The following HEPACAM variants were observed in gnomAD, a reference collection of about 807,000 sequenced individuals.
HEPACAM encodes the protein hepatic and glial cell adhesion molecule.
In HEPACAM, 18 loss-of-function variants were observed where a neutral mutation model predicts 38.3. The ratio of observed to expected loss-of-function variants is 0.47; its 90% CI spans 0.33 to 0.70. The LOEUF is 0.70. HEPACAM is among the 30% of genes least tolerant of loss of function. HEPACAM has a pLI of 0.03. For missense variants in HEPACAM, 466 were observed against 563.0 expected (o/e 0.83, Z 1.74); for synonymous variants, 216 against 243.1 (o/e 0.89, Z 1.04).
chr11:124,920,349 A>C lies in HEPACAM; in HGVS notation c.*789T>G. ...TGAAATTCACTTCTCTATAAGAATA[A>C]GCCCATCCATCTCTTTTATTCATGA... On this transcript the variant is annotated 3_prime_UTR_variant, in exon 7 of 7. Coordinates refer to ENST00000298251, the MANE Select transcript of HEPACAM (RefSeq NM_152722.5). 6.6e-7 allele frequency: 1 copy of C among 1,510,698 alleles called. No individual in the cohort carries two copies. Among genetic ancestry groups the C allele is most frequent in the Non-Finnish European group, 9.0e-7 (1 of 1,115,338 alleles). 93.6% of individuals were successfully genotyped at this position (1,510,698 alleles called of 1,614,324 possible).
rs118010297 is a variant in HEPACAM at position 124,933,038 on chromosome 11, A to G, written c.85+2884T>C. 5.1e-4 allele frequency among the ~76,000 whole-genome samples: 78 copies of G among 152,266 alleles called. No homozygotes were observed. The East Asian group carries it at 0.013, about 24-fold the overall frequency. On this transcript the variant is annotated intron_variant, in intron 1 of 6. Coordinates refer to ENST00000298251, the MANE Select transcript of HEPACAM (RefSeq NM_152722.5). Reference sequence around the variant, plus strand: ...AAGCAAACATTTTCCTAAATAATATATTAGGGATGGCAGGGATTCCTTCTA... The same window carrying G: ...AAGCAAACATTTTCCTAAATAATATGTTAGGGATGGCAGGGATTCCTTCTA...
chr11:124,933,805 A>G (rs1239146892), intron 1 of HEPACAM, among the ~76,000 whole-genome samples: 1 of 152,112 alleles, frequency 6.6e-6, no homozygotes, highest in African/African-American at 2.4e-5. Context: ...CTTCAATGGT[A>G]TTGATCTACT....
chr11:124,930,911 T>C (rs773508927), intron 1 of HEPACAM, among the ~76,000 whole-genome samples: 6 of 152,186 alleles, frequency 3.9e-5, no homozygotes, highest in African/African-American at 9.6e-5. Flanking sequence ...AAACAGACTA[T>C]GTCCTTGACT....
rs770057167 is a variant in HEPACAM at position 124,936,020 on chromosome 11, C to T, written c.-14G>A. 4 of 1,611,726 alleles carry T rather than the reference C, an allele frequency of 2.5e-6. No individual in the cohort carries two copies. The highest frequency in any genetic ancestry group is 2.7e-5 in the African/African-American group (2 of 74,838). On this transcript the variant is annotated 5_prime_UTR_variant, in exon 1 of 7. Transcript: ENST00000298251. ...TTCTCTCTTCATTTTGGGTGGCGTT[C>T]TCCAGCTCTAGTGCAGACAATTAGC... is the stretch of plus-strand genomic sequence containing the variant.
At position 124,924,026 on chromosome 11, in the gene HEPACAM, G is replaced by C. The variant is rs1591548980; in HGVS notation, c.428-16C>G. Reference sequence around the variant, plus strand: ...GAAATGGGCACTGAGCCGCAGGAATGGGGGAGCCTGTAAGTCATTGGCTAA... The same window carrying C: ...GAAATGGGCACTGAGCCGCAGGAATCGGGGAGCCTGTAAGTCATTGGCTAA... On this transcript the variant is annotated splice_polypyrimidine_tract_variant and intron_variant, in intron 2 of 6. Coordinates refer to ENST00000298251, the MANE Select transcript of HEPACAM (RefSeq NM_152722.5). The surrounding 1 kb of genome is among the most constrained non-coding windows in gnomAD (Gnocchi z 4.4). The C allele has an allele frequency of 1.9e-6, 3 of 1,599,898 alleles. No individual in the cohort carries two copies. Among genetic ancestry groups the C allele is most frequent in the Non-Finnish European group, 2.6e-6 (3 of 1,176,374 alleles).
rs780208452 is a variant in HEPACAM at position 124,921,327 on chromosome 11, G to A, written c.1062C>T (p.Pro354=). The part of the protein sequence containing the change: ...PAVPGRSPGL[P]IRSARRYPRS... The stretch of plus-strand genomic sequence containing the variant: ...GCGGGTAGCGGCGGGCAGAGCGGAT[G>A]GGCAGCCCCGGCGAGCGGCCGGGCA... The change falls in exon 7 of 7, where the codon CCC becomes CCT. Residue 354 remains proline (P), a synonymous_variant. Transcript: ENST00000298251. This position sits in a 1 kb window ranked among gnomAD's most constrained non-coding sequence, Gnocchi z 4.6. 133 of 1,275,162 alleles carry A rather than the reference G, an allele frequency of 1.0e-4. No individual in the cohort carries two copies. Among genetic ancestry groups the A allele is most frequent in the Admixed American group, 4.2e-4 (10 of 23,932 alleles). The allele number at this position is 1,275,162 out of a possible 1,614,324, so 79.0% of individuals were successfully genotyped here. A position where few individuals can be genotyped will look rare whatever the true frequency, so the allele number is the denominator to read the frequency against.
At chr11:124,923,506 C>G (rs1293963686) in intron 3 of HEPACAM, 73 bp from the exon 4 acceptor site, 2 of 1,230,108 alleles carry the variant, frequency 1.6e-6, no homozygotes, top group African/African-American at 3.0e-5. Flanking sequence ...AACTTCCTGC[C>G]ATGGATGGAA....
chr11:124,926,837 A>T (rs1177709812), intron 1 of HEPACAM, among the ~76,000 whole-genome samples: 2 of 152,148 alleles, frequency 1.3e-5, no homozygotes, highest in East Asian at 3.9e-4. Flanking sequence ...GAGGCAATTA[A>T]ACGAAAAGGT....
In HEPACAM at chr11:124,919,554, A is replaced by C. The variant is rs1379751623; in HGVS notation, c.*1584T>G. 1 of 606,202 alleles carries C rather than the reference A, an allele frequency of 1.6e-6. No individual in the cohort carries two copies. Among genetic ancestry groups the C allele is most frequent in the East Asian group, 2.8e-5 (1 of 36,204 alleles). 37.6% of individuals were successfully genotyped at this position (606,202 alleles called of 1,614,324 possible). On this transcript the variant is annotated 3_prime_UTR_variant, in exon 7 of 7. Transcript: ENST00000298251. ...CCTTCTTGAGAAACTTTTCCCCTAC[A>C]TGCATTATCTCATTATGGATGAGGC...
chr11:124,921,438 G>T lies in HEPACAM; in HGVS notation c.951C>A (p.Asp317Glu). The change falls in exon 7 of 7, where the codon GAC (aspartate) becomes GAA (glutamate). Residue 317 changes from aspartate (D) to glutamate (E), a missense_variant and splice_region_variant. Transcript: ENST00000298251. This position sits in a 1 kb window ranked among gnomAD's most constrained non-coding sequence, Gnocchi z 4.6. ...CCGGGTTCTCCTCGGTCTCCGGGGAGTCCTGCAAGGACACGCGCCGCAGGG... is the reference window on the plus strand; with the variant it reads ...CCGGGTTCTCCTCGGTCTCCGGGGATTCCTGCAAGGACACGCGCCGCAGGG... ...PMALYILKDKDSPETEENPAP... is the reference protein window; with the variant it reads ...PMALYILKDKESPETEENPAP... The T allele has an allele frequency of 7.9e-7, 1 of 1,267,122 alleles. No individual in the cohort carries two copies. Among genetic ancestry groups the T allele is most frequent in the Non-Finnish European group, 9.9e-7 (1 of 1,009,220 alleles). The allele number at this position is 1,267,122 out of a possible 1,614,324, so 78.5% of individuals were successfully genotyped here.
chr11:124,923,555 G>T, intron 3 of HEPACAM, 122 bp from the exon 4 acceptor site: 3 of 1,095,914 alleles, frequency 2.7e-6, no homozygotes, highest in South Asian at 2.5e-5. Context: ...GGCTGATGCT[G>T]GTGGTGGAGC....
Position 124,933,082 on chromosome 11 carries a change from C to T in HEPACAM, c.85+2840G>A, listed in dbSNP as rs1021353150. On this transcript the variant is annotated intron_variant, in intron 1 of 6. Transcript: ENST00000298251. Reference sequence around the variant, plus strand: ...CCTTCTAGAATCTCAGCTCTTATTACTCTTTAGTCCACAGCAGTACAATGG... The same window carrying T: ...CCTTCTAGAATCTCAGCTCTTATTATTCTTTAGTCCACAGCAGTACAATGG... 1.3e-4 allele frequency among the ~76,000 whole-genome samples: 20 copies of T among 152,288 alleles called. 1 individual carries two copies. Among genetic ancestry groups the T allele is most frequent in the African/African-American group, 3.1e-4 (13 of 41,562 alleles).
In HEPACAM at chr11:124,920,801, G is replaced by C. The variant is rs1278996087; in HGVS notation, c.*337C>G. 1.8e-6 allele frequency: 2 copies of C among 1,124,450 alleles called. No individual in the cohort carries two copies. Among genetic ancestry groups the C allele is most frequent in the African/African-American group, 1.6e-5 (1 of 60,976 alleles). The allele number at this position is 1,124,450 out of a possible 1,614,324, so 69.7% of individuals were successfully genotyped here. A position where few individuals can be genotyped will look rare whatever the true frequency, so the allele number is the denominator to read the frequency against. ...GGAAGAGCACAGGATAGTCACGGGG[G>C]TTAGGTTACTGATGTTAGTTTCCAT... On this transcript the variant is annotated 3_prime_UTR_variant, in exon 7 of 7. Transcript: ENST00000298251.
At position 124,921,334 on chromosome 11, in the gene HEPACAM, C is replaced by A. The variant is rs1280252524; in HGVS notation, c.1055G>T (p.Gly352Val). Residue 352 changes from glycine (G) to valine (V), a missense_variant, in exon 7 of 7, where the codon GGG (glycine) becomes GTG (valine). Physicochemically the swap from Gly to Val is moderately radical, Grantham distance 109. Transcript: ENST00000298251. The surrounding 1 kb of genome is among the most constrained non-coding windows in gnomAD (Gnocchi z 4.6). ...VSPAVPGRSPGLPIRSARRYP... is the reference protein window; with the variant it reads ...VSPAVPGRSPVLPIRSARRYP... ...GCGGCGGGCAGAGCGGATGGGCAGC[C>A]CCGGCGAGCGGCCGGGCACGGCGGG... The A allele has an allele frequency of 2.4e-6, 3 of 1,269,612 alleles. No individual in the cohort carries two copies. The highest frequency in any genetic ancestry group is 3.0e-6 in the Non-Finnish European group (3 of 1,012,664). 78.6% of individuals were successfully genotyped at this position (1,269,612 alleles called of 1,614,324 possible).
chr11:124,924,030 G>C lies in HEPACAM; in HGVS notation c.428-20C>G, dbSNP rs1190046595. 6.3e-7 allele frequency: 1 copy of C among 1,597,588 alleles called. No individual in the cohort carries two copies. Among genetic ancestry groups the C allele is most frequent in the East Asian group, 2.3e-5 (1 of 44,420 alleles). ...TGGGCACTGAGCCGCAGGAATGGGG[G>C]AGCCTGTAAGTCATTGGCTAAGAAG... On this transcript the variant is annotated intron_variant, in intron 2 of 6. Coordinates refer to ENST00000298251, the MANE Select transcript of HEPACAM (RefSeq NM_152722.5). This position sits in a 1 kb window ranked among gnomAD's most constrained non-coding sequence, Gnocchi z 4.4.
At position 124,924,773 on chromosome 11, in the gene HEPACAM, C is replaced by T. The variant is rs1947184803; in HGVS notation, c.382G>A (p.Asp128Asn). The T allele has an allele frequency of 6.2e-7, 1 of 1,614,102 alleles. No homozygotes were observed. The highest frequency in any genetic ancestry group is 8.5e-7 in the Non-Finnish European group (1 of 1,180,014). ...GTYEVEISITDDTFTGEKTIN... is the reference protein window; with the variant it reads ...GTYEVEISITNDTFTGEKTIN... ...GTCTTCTCCCCAGTGAAGGTGTCGT[C>T]GGTGATGGAGATCTCGACCTCATAG... Residue 128 changes from aspartate (D) to asparagine (N), a missense_variant, in exon 2 of 7, where the codon GAC (aspartate) becomes AAC (asparagine). By Grantham distance (23) the Asp-to-Asn change is conservative. Transcript: ENST00000298251. The surrounding 1 kb of genome is among the most constrained non-coding windows in gnomAD (Gnocchi z 4.4).
At chr11:124,927,310 C>A (rs950321551) in intron 1 of HEPACAM, among the ~76,000 whole-genome samples, 1 of 151,768 alleles carries the variant, frequency 6.6e-6, no homozygotes, top group Non-Finnish European at 1.5e-5. Context: ...AATGAAGTAG[C>A]AGGACCAGAA....
rs372037019 is a variant in HEPACAM at position 124,924,018 on chromosome 11, G to A, written c.428-8C>T. On this transcript the variant is annotated splice_polypyrimidine_tract_variant and splice_region_variant and intron_variant, in intron 2 of 6. Coordinates refer to ENST00000298251, the MANE Select transcript of HEPACAM (RefSeq NM_152722.5). This position sits in a 1 kb window ranked among gnomAD's most constrained non-coding sequence, Gnocchi z 4.4. The stretch of plus-strand genomic sequence containing the variant: ...GTGGCCTCGAAATGGGCACTGAGCC[G>A]CAGGAATGGGGGAGCCTGTAAGTCA... The A allele has an allele frequency of 1.7e-4, 276 of 1,603,542 alleles. No homozygotes were observed. The highest frequency in any genetic ancestry group is 9.9e-4 in the East Asian group (44 of 44,662).
Position 124,935,991 on chromosome 11 carries a change from C to T in HEPACAM, c.16G>A (p.Gly6Arg). The T allele has an allele frequency of 1.9e-6, 3 of 1,613,928 alleles. No individual in the cohort carries two copies. Among genetic ancestry groups the T allele is most frequent in the Non-Finnish European group, 1.7e-6 (2 of 1,179,956 alleles). The change falls in exon 1 of 7, where the codon GGA (glycine) becomes AGA (arginine). Residue 6 changes from glycine (G) to arginine (R), a missense_variant. Gly to Arg is a moderately radical substitution (Grantham distance 125). Transcript: ENST00000298251. MKRERGALSRASRALR... is the reference protein window; with the variant it reads MKRERRALSRASRALR... ...GCCCTGGAGGCTCTGGACAGGGCTC[C>T]CCTTTCTCTCTTCATTTTGGGTGGC...
Sources: allele counts gnomAD v4.1 joint callset (sites outside exome capture counted in the v4.1 genomes callset), GRCh38; gene constraint gnomAD v4.1.1; non-coding constraint Gnocchi (gnomAD v3.1); transcripts MANE v1.5; gene names NCBI Gene and HGNC (gene_info 2026-07-23, HGNC 2026-07-21).